SEMA6D: variants seen among roughly 807,000 people sequenced by gnomAD.
SEMA6D encodes the protein semaphorin 6D.
In SEMA6D, 35 loss-of-function variants were observed where a neutral mutation model predicts 106.6. The ratio of observed to expected loss-of-function variants is 0.33; its 90% confidence interval spans 0.25 to 0.44. SEMA6D has a LOEUF of 0.44. Ranked by LOEUF, SEMA6D falls within the 20% of genes least tolerant of loss-of-function variation. The pLI, the probability that SEMA6D is intolerant of heterozygous loss-of-function variation, is 1.00. For missense variants in SEMA6D, 1,185 were observed against 1,345.9 expected (o/e 0.88, Z 1.87); for synonymous variants, 499 against 487.7 (o/e 1.02, Z -0.31).
At chr15:47,196,169 C>T (rs989193653) in intron 1 of SEMA6D, among the ~76,000 whole-genome samples, 3 of 152,134 alleles carry the variant, frequency 2.0e-5, no homozygotes, top group African/African-American at 4.8e-5. Context: ...CTGCTGTCCT[C>T]CAGGTGGCAG....
At chr15:47,585,796 C>T (rs1271331952) in intron 3 of SEMA6D, among the ~76,000 whole-genome samples, 1 of 152,158 alleles carries the variant, frequency 6.6e-6, no homozygotes, top group Non-Finnish European at 1.5e-5. Flanking sequence ...CTACAGCAAC[C>T]CCCATAAGCA....
At chr15:47,727,168 C>G (rs1052277654) in intron 1 of SEMA6D, among the ~76,000 whole-genome samples, 2 of 152,192 alleles carry the variant, frequency 1.3e-5, no homozygotes, top group African/African-American at 4.8e-5. Flanking sequence ...TGAATAATGT[C>G]ATAAAAATTT....
chr15:47,468,705 A>G (rs2042734866), intron 2 of SEMA6D, among the ~76,000 whole-genome samples: 2 of 152,192 alleles, frequency 1.3e-5, no homozygotes, highest in Admixed American at 6.5e-5. Flanking sequence ...TTCCTTACTT[A>G]TCTTCTACAG....
At chr15:47,366,709 G>C (rs1466432490) in intron 1 of SEMA6D, among the ~76,000 whole-genome samples, 1 of 152,214 alleles carries the variant, frequency 6.6e-6, no homozygotes, top group East Asian at 1.9e-4. Context: ...GTAAAAAGAC[G>C]TAAGTTTATA....
intron 1 of SEMA6D, among the ~76,000 whole-genome samples, chr15:47,740,488 C>T (rs2080744303): frequency 6.6e-6 from 1 of 152,112 alleles, no homozygotes; most frequent in African/African-American, 2.4e-5. Context: ...CCACTGCACT[C>T]CAGCCTGGTG....
At chr15:47,760,258 C>T (rs1284724344) in intron 2 of SEMA6D, 46 bp from the exon 3 acceptor site, 1 of 1,356,036 alleles carries the variant, frequency 7.4e-7, no homozygotes, top group Admixed American at 1.7e-5. Context: ...ATTGATCCCT[C>T]AGCTCCATAA....
chr15:47,197,664 T>C (rs1241938356), intron 1 of SEMA6D, among the ~76,000 whole-genome samples: 1 of 152,116 alleles, frequency 6.6e-6, no homozygotes, highest in Non-Finnish European at 1.5e-5. Context: ...TTAAGTCTTG[T>C]TTGATGATTC....
chr15:47,703,761 C>CT (rs887226514), intron 4 of SEMA6D, among the ~76,000 whole-genome samples: 3 of 152,024 alleles, frequency 2.0e-5, no homozygotes, highest in African/African-American at 7.2e-5. Context: ...AAACAATGGC[C>CT]TAGTTCTCTC....
intron 1 of SEMA6D, among the ~76,000 whole-genome samples, chr15:47,342,004 G>A (rs2037834732): frequency 2.8e-5 from 3 of 108,854 alleles, no homozygotes; most frequent in African/African-American, 6.1e-5. Flanking sequence ...CCTTTACCCT[G>A]TGTTTTTTTT....
At chr15:47,231,377 C>T (rs1566940621) in intron 1 of SEMA6D, among the ~76,000 whole-genome samples, 2 of 151,928 alleles carry the variant, frequency 1.3e-5, no homozygotes, top group Admixed American at 6.6e-5. Flanking sequence ...ACAGTTGTCT[C>T]CATCCATTCC....
intron 4 of SEMA6D, among the ~76,000 whole-genome samples, chr15:47,711,882 G>T (rs2079030586): frequency 6.6e-6 from 1 of 152,156 alleles, no homozygotes; most frequent in African/African-American, 2.4e-5. Context: ...TTCTGGCAAT[G>T]AATCAGCTCC....
chr15:47,211,879 T>G (rs944796559), intron 1 of SEMA6D, among the ~76,000 whole-genome samples: 68 of 152,120 alleles, frequency 4.5e-4, no homozygotes, highest in Non-Finnish European at 6.9e-4. Flanking sequence ...ATTTAATAAT[T>G]AGCTCTCCTG....
intron 3 of SEMA6D, among the ~76,000 whole-genome samples, chr15:47,487,862 A>C (rs1276261159): frequency 2.6e-5 from 4 of 152,174 alleles, no homozygotes; most frequent in Non-Finnish European, 4.4e-5. Context: ...TCAATATTAT[A>C]AAATATATTA....
chr15:47,630,462 T>G lies in SEMA6D; in HGVS notation c.-55+29566T>G, dbSNP rs2077274090. 2.6e-5 allele frequency among the ~76,000 whole-genome samples: 4 copies of G among 151,906 alleles called. No homozygotes were observed. The South Asian group carries it at 8.3e-4, about 31-fold the overall frequency. On this transcript the variant is annotated intron_variant, in intron 4 of 19. Transcript: ENST00000558014. Reference sequence around the variant, plus strand: ...TGATTTTTGTGTCCTGTGACCTTGCTGAACACACTTATTAGTTCTAGGACT... The same window carrying G: ...TGATTTTTGTGTCCTGTGACCTTGCGGAACACACTTATTAGTTCTAGGACT...
chr15:47,374,561 G>T (rs142262685), intron 1 of SEMA6D, among the ~76,000 whole-genome samples: 2 of 152,100 alleles, frequency 1.3e-5, no homozygotes, highest in Non-Finnish European at 2.9e-5. Context: ...TGTCTAGAAA[G>T]CCCCTGTGAA....
chr15:47,255,015 T>C (rs563074607), intron 1 of SEMA6D, among the ~76,000 whole-genome samples: 2 of 152,080 alleles, frequency 1.3e-5, no homozygotes, highest in African/African-American at 4.8e-5. Flanking sequence ...AAGAAGAATT[T>C]GTATTAGTTC....
chr15:47,757,032 G>A (rs922590181), intron 1 of SEMA6D, among the ~76,000 whole-genome samples: 16 of 151,908 alleles, frequency 1.1e-4, no homozygotes, highest in Non-Finnish European at 2.4e-4. Context: ...AGTGTCAGAT[G>A]AATGAGTTAT....
At chr15:47,540,491 T>C (rs1278592143) in intron 3 of SEMA6D, among the ~76,000 whole-genome samples, 1 of 152,138 alleles carries the variant, frequency 6.6e-6, no homozygotes, top group Admixed American at 6.6e-5. Flanking sequence ...GTCTCTCCAT[T>C]TGTTCAGTAA....
At chr15:47,655,192 A>G (rs1036096074) in intron 4 of SEMA6D, among the ~76,000 whole-genome samples, 1 of 152,332 alleles carries the variant, frequency 6.6e-6, no homozygotes, top group Non-Finnish European at 1.5e-5. Flanking sequence ...ACATCCTGCA[A>G]TTCAATGGAT....
Sources: allele counts gnomAD v4.1 joint callset (sites outside exome capture counted in the v4.1 genomes callset), GRCh38; gene constraint gnomAD v4.1.1; transcripts MANE v1.5; gene names NCBI Gene and HGNC (gene_info 2026-07-23, HGNC 2026-07-21).